ADCY1: variants seen among roughly 807,000 people sequenced by gnomAD.
ADCY1 encodes the protein adenylate cyclase 1, also known as adenylate cyclase type 1.
A neutral mutation model predicts 105.4 loss-of-function variants in ADCY1; 28 were observed. That is an observed-to-expected ratio of 0.27 (90% confidence interval 0.20 to 0.36). ADCY1 has a LOEUF of 0.36. Ranked by LOEUF, ADCY1 falls within the 10% of genes least tolerant of loss-of-function variation. The pLI, the probability that ADCY1 is intolerant of heterozygous loss-of-function variation, is 1.00. For synonymous variants in ADCY1, 655 were observed against 623.8 expected (o/e 1.05, Z -0.75); for missense variants, 977 against 1,434.2 (o/e 0.68, Z 5.15).
intron 5 of ADCY1, among the ~76,000 whole-genome samples, chr7:45,649,338 C>G (rs1257025229): frequency 4.6e-5 from 7 of 152,184 alleles, no homozygotes; most frequent in Non-Finnish European, 7.3e-5. Flanking sequence ...TTGTCCTTAT[C>G]AGAGACTGGG....
chr7:45,663,349 G>A (rs898437157), intron 8 of ADCY1, among the ~76,000 whole-genome samples: 2 of 152,194 alleles, frequency 1.3e-5, no homozygotes, highest in African/African-American at 4.8e-5. Context: ...CAGAGTTCAG[G>A]GGAATGTCTT....
chr7:45,677,376 C>T (rs900191690), intron 8 of ADCY1, among the ~76,000 whole-genome samples: 4 of 152,160 alleles, frequency 2.6e-5, no homozygotes, highest in African/African-American at 9.7e-5. Context: ...TCGTATCCCT[C>T]ATGTGACATA....
At chr7:45,651,069 G>A (rs1413714343) in intron 5 of ADCY1, among the ~76,000 whole-genome samples, 1 of 152,120 alleles carries the variant, frequency 6.6e-6, no homozygotes, top group African/African-American at 2.4e-5. Flanking sequence ...CCTAGTGCCA[G>A]GGGCATCTTC....
intron 14 of ADCY1, among the ~76,000 whole-genome samples, chr7:45,702,570 G>C (rs1321005963): frequency 6.6e-6 from 1 of 152,276 alleles, no homozygotes; most frequent in Non-Finnish European, 1.5e-5. Flanking sequence ...TTCTGTGTGA[G>C]GAAACACAGG....
intron 1 of ADCY1, among the ~76,000 whole-genome samples, chr7:45,581,043 G>A (rs926967335): frequency 1.3e-5 from 2 of 152,194 alleles, no homozygotes; most frequent in South Asian, 2.1e-4. Flanking sequence ...GACTCAGACG[G>A]AAGCTGGTGG....
chr7:45,578,224 G>A (rs1430851959), intron 1 of ADCY1, among the ~76,000 whole-genome samples: 2 of 152,198 alleles, frequency 1.3e-5, no homozygotes, highest in Non-Finnish European at 2.9e-5. Context: ...CTCCCCCGGA[G>A]AAGTGCTTGA....
intron 5 of ADCY1, among the ~76,000 whole-genome samples, chr7:45,649,659 C>T (rs957653238): frequency 3.3e-5 from 5 of 152,224 alleles, no homozygotes; most frequent in African/African-American, 1.2e-4. Flanking sequence ...TCGTGGGCTG[C>T]CCCATGCAGT....
At chr7:45,599,773 T>A (rs1285779260) in intron 2 of ADCY1, among the ~76,000 whole-genome samples, 5 of 152,080 alleles carry the variant, frequency 3.3e-5, no homozygotes, top group Admixed American at 2.0e-4. Flanking sequence ...ATTACGGGCA[T>A]GTGCCACCAC....
At position 45,714,175 on chromosome 7, in the gene ADCY1, A is replaced by G; in HGVS notation, c.*180A>G. The G allele has an allele frequency of 1.7e-6, 1 of 598,006 alleles. No individual in the cohort carries two copies. The allele number at this position is 598,006 out of a possible 1,614,324, so 37.0% of individuals were successfully genotyped here. A position where few individuals can be genotyped will look rare whatever the true frequency, so the allele number is the denominator to read the frequency against. On this transcript the variant is annotated 3_prime_UTR_variant, in exon 20 of 20. Coordinates refer to ENST00000297323, the MANE Select transcript of ADCY1 (RefSeq NM_021116.4). ...CCCGAGGGCCAACCACCGAGCAGGCACAGCACAGCAGTGACTCGGTGAGGG... is the reference window on the plus strand; with the variant it reads ...CCCGAGGGCCAACCACCGAGCAGGCGCAGCACAGCAGTGACTCGGTGAGGG...
At position 45,648,738 on chromosome 7, in the gene ADCY1, C is replaced by T. The variant is rs375178707; in HGVS notation, c.1089C>T (p.Pro363=). 5 of 1,614,176 alleles carry T rather than the reference C, an allele frequency of 3.1e-6. No homozygotes were observed. Among genetic ancestry groups the T allele is most frequent in the Non-Finnish European group, 4.2e-6 (5 of 1,180,032 alleles). Residue 363 remains proline (P), a synonymous_variant, in exon 5 of 20, where the codon CCC becomes CCT. Transcript: ENST00000297323. ...ACTGCGTGTCGGGCCTCACCCAGCCCAAGACTGACCATGCCCACTGCTGTG... is the reference window on the plus strand; with the variant it reads ...ACTGCGTGTCGGGCCTCACCCAGCCTAAGACTGACCATGCCCACTGCTGTG... The part of the protein sequence containing the change: ...CYYCVSGLTQ[P]KTDHAHCCVE...
In ADCY1 at chr7:45,703,545, C is replaced by A; in HGVS notation, c.2571+53C>A. ...CACTAGCCCTACACTGCTCTGGCCA[C>A]CCCACTTGGCGCTCACCTGGCTGAC... On this transcript the variant is annotated intron_variant, in intron 15 of 19. Transcript: ENST00000297323. The surrounding 1 kb of genome is among the most constrained non-coding windows in gnomAD (Gnocchi z 5.9). 3.1e-6 allele frequency: 5 copies of A among 1,612,686 alleles called. No homozygotes were observed. The highest frequency in any genetic ancestry group is 3.4e-6 in the Non-Finnish European group (4 of 1,178,924).
chr7:45,626,017 T>A (rs1794053081), intron 4 of ADCY1, among the ~76,000 whole-genome samples: 1 of 152,194 alleles, frequency 6.6e-6, no homozygotes, highest in African/African-American at 2.4e-5. Flanking sequence ...ACCAGCTACT[T>A]CCTAGAGGCT....
intron 8 of ADCY1, among the ~76,000 whole-genome samples, chr7:45,675,892 C>T (rs1784447690): frequency 1.3e-5 from 2 of 152,226 alleles, no homozygotes; most frequent in Non-Finnish European, 2.9e-5. Context: ...TCAATCTGTA[C>T]GTTTATATCT....
chr7:45,699,010 A>C (rs1784937432), intron 14 of ADCY1, among the ~76,000 whole-genome samples: 2 of 152,224 alleles, frequency 1.3e-5, no homozygotes, highest in South Asian at 4.1e-4. Flanking sequence ...TTGAGCATAC[A>C]GCCAGCTGAG....
Position 45,713,976 on chromosome 7 carries a change from C to T in ADCY1, c.3341C>T (p.Ala1114Val), listed in dbSNP as rs755251639. 1.3e-6 allele frequency: 1 copy of T among 776,966 alleles called. No homozygotes were observed. The highest frequency in any genetic ancestry group is 2.4e-6 in the Non-Finnish European group (1 of 415,374). The allele number at this position is 776,966 out of a possible 1,614,324, so 48.1% of individuals were successfully genotyped here. ...HSPGQYLPSA[A>V]AGKEA ...CCAGGCCAGTACCTGCCCTCTGCAGCAGCTGGGAAGGAGGCTTAGTGGAGC... is the reference window on the plus strand; with the variant it reads ...CCAGGCCAGTACCTGCCCTCTGCAGTAGCTGGGAAGGAGGCTTAGTGGAGC... The change falls in exon 20 of 20, where the codon GCA becomes GTA. Residue 1114 changes from alanine to valine, a missense_variant. By Grantham distance (64) the Ala-to-Val change is moderately conservative (BLOSUM62 0). Transcript: ENST00000297323.
chr7:45,600,624 C>G (rs1793204316), intron 2 of ADCY1, among the ~76,000 whole-genome samples: 1 of 152,242 alleles, frequency 6.6e-6, no homozygotes, highest in South Asian at 2.1e-4. Context: ...CTGGTGTGGT[C>G]AGCTTAGGCT....
rs1227081530 is a variant in ADCY1, at chr7:45,716,856, G to C, written c.*2861G>C. ...GCAGGAGAGCCTGGAAAGATTCGAAGTGTCACAGAGATGGTGCCGTCATTG... is the reference window on the plus strand; with the variant it reads ...GCAGGAGAGCCTGGAAAGATTCGAACTGTCACAGAGATGGTGCCGTCATTG... On this transcript the variant is annotated 3_prime_UTR_variant, in exon 20 of 20. Coordinates refer to ENST00000297323, the MANE Select transcript of ADCY1 (RefSeq NM_021116.4). 6.6e-6 allele frequency: 1 copy of C among 152,384 alleles called. No individual in the cohort carries two copies. The highest frequency in any genetic ancestry group is 1.5e-5 in the Non-Finnish European group (1 of 68,172). 9.4% of individuals were successfully genotyped at this position (152,384 alleles called of 1,614,324 possible).
chr7:45,607,473 G>A (rs897121887), intron 2 of ADCY1, among the ~76,000 whole-genome samples: 1 of 152,090 alleles, frequency 6.6e-6, no homozygotes, highest in African/African-American at 2.4e-5. Flanking sequence ...TAGATTGAGG[G>A]TACATGTGCA....
At chr7:45,619,752 G>T (rs891706681) in intron 3 of ADCY1, among the ~76,000 whole-genome samples, 2 of 152,076 alleles carry the variant, frequency 1.3e-5, no homozygotes, top group African/African-American at 4.8e-5. Flanking sequence ...GGTGATGTTG[G>T]TAAAAGAATA....
Sources: allele counts gnomAD v4.1 joint callset (sites outside exome capture counted in the v4.1 genomes callset), GRCh38; gene constraint gnomAD v4.1.1; non-coding constraint Gnocchi (gnomAD v3.1); transcripts MANE v1.5; gene names NCBI Gene and HGNC (gene_info 2026-07-23, HGNC 2026-07-21).